Variants in SPAG17 observed in about 807,000 individuals in gnomAD.
SPAG17 encodes the protein sperm associated antigen 17.
In SPAG17, 169 loss-of-function variants were observed where a neutral mutation model predicts 273.6. The ratio of observed to expected loss-of-function variants is 0.62; its 90% CI spans 0.55 to 0.70. The LOEUF is 0.70. Among genes scored for constraint, SPAG17 ranks in the 30% least tolerant of loss-of-function variants. The pLI, the probability that SPAG17 is intolerant of heterozygous loss-of-function variation, is 0.00. For missense variants in SPAG17, 2,557 were observed against 2,627.8 expected (o/e 0.97, Z 0.59); for synonymous variants, 825 against 873.2 (o/e 0.94, Z 0.97).
chr1:118,100,202 G>C (rs547559791), intron 5 of SPAG17, among the ~76,000 whole-genome samples: 325 of 152,286 alleles, frequency 2.1e-3, no homozygotes, highest in African/African-American at 7.5e-3. Flanking sequence ...TATTTTATAA[G>C]TAGAGGTGTT....
At chr1:117,993,615 T>A (rs1657339061) in intron 35 of SPAG17, among the ~76,000 whole-genome samples, 1 of 152,176 alleles carries the variant, frequency 6.6e-6, no homozygotes, top group Admixed American at 6.5e-5. Flanking sequence ...GTCATTGTAA[T>A]CTTAAATGTT....
At position 118,120,893 on chromosome 1, in the gene SPAG17, T is replaced by G. The variant is rs143580953; in HGVS notation, c.316-5452A>C. Among the ~76,000 whole-genome samples the G allele has an allele frequency of 1.2e-3, 187 of 152,350 alleles. 1 individual carries two copies. The highest frequency in any genetic ancestry group is 4.2e-3 in the African/African-American group (175 of 41,592). ...TTTATTTATACCAGTGGTTTAGCTA[T>G]ATTTTGAGATTTTTATTTATTATAG... On this transcript the variant is annotated intron_variant, in intron 3 of 48. Transcript: ENST00000336338.
intron 43 of SPAG17, among the ~76,000 whole-genome samples, chr1:117,976,574 C>T (rs71670814): frequency 2.1e-3 from 316 of 152,306 alleles, no homozygotes; most frequent in Middle Eastern, 3.4e-3. Flanking sequence ...CTGCTGGACT[C>T]TCTTGAGCTT....
chr1:118,030,618 T>C (rs977273933), intron 25 of SPAG17, among the ~76,000 whole-genome samples: 1 of 152,082 alleles, frequency 6.6e-6, no homozygotes, highest in African/African-American at 2.4e-5. Flanking sequence ...CAGGCCCCAG[T>C]GTGTGATGTT....
intron 47 of SPAG17, chr1:117,965,138 G>T (rs1258289892): frequency 6.6e-6 from 1 of 152,048 alleles, no homozygotes; most frequent in African/African-American, 2.4e-5. Flanking sequence ...TCTTAATACA[G>T]TCATTCTTTA....
At chr1:117,994,560 T>C (rs1292535747) in intron 34 of SPAG17, 30 bp from the exon 35 acceptor site, 1 of 1,585,556 alleles carries the variant, frequency 6.3e-7, no homozygotes, top group Admixed American at 1.9e-5. Context: ...CAGAAGACCA[T>C]TACCCATTGA....
chr1:117,996,299 A>G (rs1657642963), intron 34 of SPAG17, 71 bp downstream of exon 34: 8 of 1,500,978 alleles, frequency 5.3e-6, no homozygotes, highest in Non-Finnish European at 7.1e-6. Flanking sequence ...ACATGAAGAT[A>G]GACTGGATAG....
intron 30 of SPAG17, among the ~76,000 whole-genome samples, chr1:118,010,846 G>A (rs1389463612): frequency 6.6e-6 from 1 of 152,028 alleles, no homozygotes; most frequent in Non-Finnish European, 1.5e-5. Flanking sequence ...CTAACATCCA[G>A]CATCCGTAAG....
rs149006461 is a variant in SPAG17 at position 118,068,592 on chromosome 1, A to T, written c.2386-1693T>A. On this transcript the variant is annotated intron_variant, in intron 17 of 48. Coordinates refer to ENST00000336338, the MANE Select transcript of SPAG17 (RefSeq NM_206996.4). Reference sequence around the variant, plus strand: ...CTCAATCAATATGTAAAGTTTTCATATCTTATTTTCCCCTTTTTTACTAAT... The same window carrying T: ...CTCAATCAATATGTAAAGTTTTCATTTCTTATTTTCCCCTTTTTTACTAAT... Among the ~76,000 whole-genome samples the T allele has an allele frequency of 1.4e-3, 216 of 152,280 alleles. 1 individual carries two copies. Among genetic ancestry groups the T allele is most frequent in the Middle Eastern group, 6.8e-3 (2 of 294 alleles).
chr1:118,141,078 T>G (rs977697338), intron 3 of SPAG17, among the ~76,000 whole-genome samples: 6 of 152,348 alleles, frequency 3.9e-5, no homozygotes, highest in African/African-American at 1.4e-4. Flanking sequence ...TAATTCTCTC[T>G]GATTTAAAGC....
chr1:118,002,808 G>T (rs1304823857), intron 32 of SPAG17, among the ~76,000 whole-genome samples: 1 of 152,092 alleles, frequency 6.6e-6, no homozygotes, highest in African/African-American at 2.4e-5. Flanking sequence ...TTTAATTGGG[G>T]CATTTAGCCC....
chr1:118,014,948 G>A (rs1659820131), intron 29 of SPAG17, among the ~76,000 whole-genome samples: 1 of 152,146 alleles, frequency 6.6e-6, no homozygotes, highest in Admixed American at 6.5e-5. Flanking sequence ...TTTGGTGTGA[G>A]GGCTGAATGA....
At chr1:118,011,762 A>T (rs1659492377) in intron 30 of SPAG17, among the ~76,000 whole-genome samples, 1 of 150,784 alleles carries the variant, frequency 6.6e-6, no homozygotes, top group Non-Finnish European at 1.5e-5. Context: ...ACACACAGAC[A>T]CACACACACA....
intron 40 of SPAG17, among the ~76,000 whole-genome samples, chr1:117,985,948 C>T (rs1571151623): frequency 6.6e-6 from 1 of 152,152 alleles, no homozygotes; most frequent in East Asian, 1.9e-4. Flanking sequence ...CCGTCAGTCC[C>T]CCAGTGTGAG....
Position 118,081,087 on chromosome 1 carries a change from ACAC to A in SPAG17, c.2209+11_2209+13del, listed in dbSNP as rs1179267980. 11 of 1,395,834 alleles carry A rather than the reference ACAC, an allele frequency of 7.9e-6. No homozygotes were observed. The highest frequency in any genetic ancestry group is 2.3e-5 in the East Asian group (1 of 43,544). 86.5% of individuals were successfully genotyped at this position (1,395,834 alleles called of 1,614,324 possible). Reference sequence around the variant, plus strand: ...CACACACACACACACACACACACACACACTTTAACTTACCCAGAGACTCATGTT... The same window carrying A: ...CACACACACACACACACACACACACATTTAACTTACCCAGAGACTCATGTT... On this transcript the variant is annotated intron_variant, in intron 15 of 48. Transcript: ENST00000336338.
chr1:118,079,629 T>C (rs1169147847), intron 15 of SPAG17, among the ~76,000 whole-genome samples: 1 of 152,088 alleles, frequency 6.6e-6, no homozygotes, highest in African/African-American at 2.4e-5. Context: ...TATTTTTTGT[T>C]GTTTTCCTTC....
intron 23 of SPAG17, among the ~76,000 whole-genome samples, chr1:118,039,057 A>G (rs531569455): frequency 6.6e-6 from 1 of 152,314 alleles, no homozygotes; most frequent in East Asian, 1.9e-4. Context: ...GTTCAATTTC[A>G]TCATGAACCT....
Position 118,008,170 on chromosome 1 carries a change from C to T in SPAG17, c.4461G>A (p.Gln1487=), listed in dbSNP as rs1240666215. The change falls in exon 31 of 49, where the codon CAG becomes CAA. Residue 1487 remains glutamine (Q), a synonymous_variant. Coordinates refer to ENST00000336338, the MANE Select transcript of SPAG17 (RefSeq NM_206996.4). ...TTEGPRTVTR[Q]VKCMRVESSR... is the part of the protein sequence containing the mutation. ...AGCTTTCTACCCGCATACACTTCAC[C>T]TGCCTGGTGACAGTCCGAGGACCCT... 2 of 1,613,958 alleles carry T rather than the reference C, an allele frequency of 1.2e-6. No homozygotes were observed. The highest frequency in any genetic ancestry group is 3.3e-5 in the Admixed American group (2 of 59,966).
chr1:117,988,758 T>C (rs1656733047), intron 38 of SPAG17, among the ~76,000 whole-genome samples: 1 of 152,136 alleles, frequency 6.6e-6, no homozygotes, highest in African/African-American at 2.4e-5. Context: ...TTCACTACTT[T>C]TCCGCATCTT....
Sources: allele counts gnomAD v4.1 joint callset (sites outside exome capture counted in the v4.1 genomes callset), GRCh38; gene constraint gnomAD v4.1.1; transcripts MANE v1.5; gene names NCBI Gene and HGNC (gene_info 2026-07-23, HGNC 2026-07-21).